ARHGAP42: variants seen among roughly 807,000 people sequenced by gnomAD.
ARHGAP42 encodes rho GTPase-activating protein 42.
A neutral mutation model predicts 125.0 loss-of-function variants in ARHGAP42; 63 were observed. The ratio of observed to expected loss-of-function variants is 0.50; its 90% CI spans 0.41 to 0.62. ARHGAP42 has a LOEUF of 0.62. Among genes scored for constraint, ARHGAP42 ranks in the 20% least tolerant of loss-of-function variants. The pLI is 0.00. For missense variants in ARHGAP42, 766 were observed against 1,024.2 expected (o/e 0.75, Z 3.44); for synonymous variants, 339 against 351.0 (o/e 0.97, Z 0.38).
At chr11:100,865,482 T>C (rs1006360175) in intron 4 of ARHGAP42, among the ~76,000 whole-genome samples, 6 of 152,100 alleles carry the variant, frequency 3.9e-5, no homozygotes, top group Non-Finnish European at 7.4e-5. Flanking sequence ...TTATCCAAAA[T>C]GAAAATTGAG....
chr11:100,827,059 A>G (rs1329787018), intron 3 of ARHGAP42, among the ~76,000 whole-genome samples: 2 of 127,818 alleles, frequency 1.6e-5, no homozygotes, highest in Non-Finnish European at 3.1e-5. Context: ...GCTAGACTGC[A>G]GTGGCGTTAC....
intron 19 of ARHGAP42, among the ~76,000 whole-genome samples, chr11:100,975,320 T>C (rs998891745): frequency 3.3e-5 from 5 of 152,216 alleles, no homozygotes; most frequent in South Asian, 2.1e-4. Flanking sequence ...AAATATCCTA[T>C]GTTCTCCACA....
chr11:100,773,533 C>A (rs1242166796), intron 2 of ARHGAP42, among the ~76,000 whole-genome samples: 1 of 152,164 alleles, frequency 6.6e-6, no homozygotes, highest in South Asian at 2.1e-4. Flanking sequence ...CAGAAAACAT[C>A]TTTCTGTATG....
At chr11:100,792,954 T>C (rs1863603236) in intron 2 of ARHGAP42, among the ~76,000 whole-genome samples, 1 of 152,020 alleles carries the variant, frequency 6.6e-6, no homozygotes. Context: ...TGGGGTTTCA[T>C]CGTGTTAGCC....
chr11:100,872,613 G>A (rs1486511630), intron 4 of ARHGAP42, among the ~76,000 whole-genome samples: 2 of 152,050 alleles, frequency 1.3e-5, no homozygotes, highest in Admixed American at 1.3e-4. Flanking sequence ...GGCTGGTCTG[G>A]AACTCCTGAC....
At position 100,977,048 on chromosome 11, in the gene ARHGAP42, G is replaced by A. The variant is rs141842878; in HGVS notation, c.2393+77G>A. The A allele has an allele frequency of 3.6e-4, 541 of 1,495,272 alleles. 3 individuals are homozygous for A. In the East Asian group the frequency reaches 8.5e-3, roughly 24 times the overall value. The allele number at this position is 1,495,272 out of a possible 1,614,324, so 92.6% of individuals were successfully genotyped here. A position where few individuals can be genotyped will look rare whatever the true frequency, so the allele number is the denominator to read the frequency against. On this transcript the variant is annotated intron_variant, in intron 21 of 23. Coordinates refer to ENST00000298815, the MANE Select transcript of ARHGAP42 (RefSeq NM_152432.4). ...TTGAGTGTTTCAGAAGAACTCTTGG[G>A]AATCCCACAAGTTGAATACATTGGG...
intron 3 of ARHGAP42, among the ~76,000 whole-genome samples, chr11:100,849,172 T>A (rs905058604): frequency 3.3e-5 from 5 of 152,216 alleles, no homozygotes; most frequent in Admixed American, 2.0e-4. Context: ...GTAATTTTTT[T>A]AATGTTGTTT....
chr11:100,965,124 C>G (rs1271581805), intron 16 of ARHGAP42, among the ~76,000 whole-genome samples: 1 of 152,022 alleles, frequency 6.6e-6, no homozygotes, highest in African/African-American at 2.4e-5. Context: ...CTTGTGAGAA[C>G]TCACTCACTA....
chr11:100,863,920 T>C (rs1422505949), intron 4 of ARHGAP42, among the ~76,000 whole-genome samples: 2 of 152,214 alleles, frequency 1.3e-5, no homozygotes, highest in African/African-American at 4.8e-5. Flanking sequence ...AATATATCTG[T>C]AATCGTCGTA....
chr11:100,798,797 A>G (rs1325749860), intron 3 of ARHGAP42, among the ~76,000 whole-genome samples: 1 of 152,218 alleles, frequency 6.6e-6, no homozygotes, highest in Non-Finnish European at 1.5e-5. Context: ...TCAGGTGTGG[A>G]CTGAATCCTC....
intron 2 of ARHGAP42, among the ~76,000 whole-genome samples, chr11:100,790,609 CATA>C (rs1489583279): frequency 6.6e-6 from 1 of 152,158 alleles, no homozygotes; most frequent in Admixed American, 6.5e-5. Flanking sequence ...CCTATCTTTT[CATA>C]ATATTTCATG....
rs552629549 is a variant in ARHGAP42 at position 100,859,124 on chromosome 11, A to ATT, written c.313-427_313-426dup. Among the ~76,000 whole-genome samples the ATT allele has an allele frequency of 8.5e-5, 13 of 152,180 alleles. No homozygotes were observed. The South Asian group carries it at 2.5e-3, about 29-fold the overall frequency. Reference sequence around the variant, plus strand: ...CTAAATAGGGGGAAAAATAAGCCTAATTTTGCAGCTGTAGAATTCTACCAT... The same window carrying ATT: ...CTAAATAGGGGGAAAAATAAGCCTAATTTTTTGCAGCTGTAGAATTCTACCAT... On this transcript the variant is annotated intron_variant, in intron 3 of 23. Coordinates refer to ENST00000298815, the MANE Select transcript of ARHGAP42 (RefSeq NM_152432.4).
At chr11:100,730,990 G>A (rs189317703) in intron 1 of ARHGAP42, among the ~76,000 whole-genome samples, 5 of 151,954 alleles carry the variant, frequency 3.3e-5, no homozygotes, top group African/African-American at 1.2e-4. Flanking sequence ...TGTTGACAAA[G>A]GTTTTGCTTT....
chr11:100,937,263 A>G (rs1341356347), intron 8 of ARHGAP42, among the ~76,000 whole-genome samples: 1 of 152,128 alleles, frequency 6.6e-6, no homozygotes, highest in Non-Finnish European at 1.5e-5. Flanking sequence ...TACTGTTTTC[A>G]TATCTAAACA....
rs1858867942 is a variant in ARHGAP42 at position 100,992,613 on chromosome 11, C to G, written c.*3812C>G. The stretch of plus-strand genomic sequence containing the variant: ...AATTTCCTGAACACATTCACTGTAT[C>G]CCTCATTGTCACCGTTATCCCCCTG... On this transcript the variant is annotated 3_prime_UTR_variant, in exon 24 of 24. Coordinates refer to ENST00000298815, the MANE Select transcript of ARHGAP42 (RefSeq NM_152432.4). 6.2e-7 allele frequency: 1 copy of G among 1,613,894 alleles called. No homozygotes were observed. Among genetic ancestry groups the G allele is most frequent in the African/African-American group, 1.3e-5 (1 of 74,926 alleles).
chr11:100,986,110 A>G (rs1858672683), intron 22 of ARHGAP42: 1 of 456,540 alleles, frequency 2.2e-6, no homozygotes, highest in Non-Finnish European at 4.4e-6. Flanking sequence ...AGCATCAGAC[A>G]TCGTTCGTGG....
intron 8 of ARHGAP42, among the ~76,000 whole-genome samples, chr11:100,939,831 G>A (rs1481980038): frequency 6.6e-6 from 1 of 152,158 alleles, no homozygotes; most frequent in African/African-American, 2.4e-5. Context: ...ATTAAATGCA[G>A]GAGGTCCTGA....
intron 4 of ARHGAP42, among the ~76,000 whole-genome samples, chr11:100,904,975 T>C (rs918961021): frequency 6.6e-6 from 1 of 152,208 alleles, no homozygotes; most frequent in Non-Finnish European, 1.5e-5. Context: ...ACAAAATGGG[T>C]ATTTACTAAA....
chr11:100,966,065 T>G (rs1284036007), intron 17 of ARHGAP42, among the ~76,000 whole-genome samples: 5 of 152,222 alleles, frequency 3.3e-5, no homozygotes, highest in Non-Finnish European at 5.9e-5. Context: ...AGTATATAGT[T>G]TTTTTTCCTC....
Sources: gnomAD v4.1 joint callset for allele counts (sites outside exome capture counted in the v4.1 genomes callset) on GRCh38, gnomAD v4.1.1 for gene constraint, MANE v1.5 for transcripts, NCBI Gene and HGNC (gene_info 2026-07-23, HGNC 2026-07-21) for gene names.